Variants in GFM1 observed in about 807,000 individuals in gnomAD.
The protein encoded by GFM1 is G elongation factor mitochondrial 1.
GFM1 carries 62 observed loss-of-function variants against 96.2 expected under a neutral mutation model. The observed-to-expected ratio is 0.64, with a 90% confidence interval of 0.53 to 0.80. GFM1 has a LOEUF of 0.80. Ranked by LOEUF, GFM1 falls within the 30% of genes least tolerant of loss-of-function variation. The pLI, the probability that GFM1 is intolerant of heterozygous loss-of-function variation, is 0.00. For missense variants in GFM1, 852 were observed against 916.6 expected, an observed-to-expected ratio of 0.93 and a Z score of 0.91; for synonymous variants, 282 against 312.9, an observed-to-expected ratio of 0.90 and a Z score of 1.04.
chr3:158,649,041 G>A lies in GFM1; in HGVS notation c.573G>A (p.Arg191=). Residue 191 remains arginine, a splice_region_variant and synonymous_variant, in exon 5 of 18, where the codon AGG becomes AGA. Transcript: ENST00000486715. ...SNPARALQQM[R]SKLNHNAAFM... is the part of the protein sequence containing the mutation. Reference sequence around the variant, plus strand: ...AAACAAGTGTATTTTTATTTTTCAGGTCTAAACTAAATCATAATGCAGCGT... The same window carrying A: ...AAACAAGTGTATTTTTATTTTTCAGATCTAAACTAAATCATAATGCAGCGT... 1.5e-6 allele frequency: 2 copies of A among 1,370,904 alleles called. No individual in the cohort carries two copies. Among genetic ancestry groups the A allele is most frequent in the South Asian group, 2.3e-5 (2 of 86,042 alleles). 84.9% of individuals were successfully genotyped at this position (1,370,904 alleles called of 1,614,324 possible).
At chr3:158,650,186 G>T in intron 5 of GFM1, 1 of 795,206 alleles carries the variant, frequency 1.3e-6, no homozygotes, top group South Asian at 1.5e-5. Context: ...TGTAACAACT[G>T]AGTAATGACA....
intron 14 of GFM1, among the ~76,000 whole-genome samples, chr3:158,683,205 G>A (rs1725560109): frequency 6.6e-6 from 1 of 152,130 alleles, no homozygotes; most frequent in Non-Finnish European, 1.5e-5. Flanking sequence ...AATATTTTGT[G>A]ATTCACACAC....
In GFM1 at chr3:158,654,532, T is replaced by A; in HGVS notation, c.999-15T>A. 1 of 1,401,066 alleles carries A rather than the reference T, an allele frequency of 7.1e-7. No individual in the cohort carries two copies. The highest frequency in any genetic ancestry group is 1.0e-6 in the Non-Finnish European group (1 of 986,516). 86.8% of individuals were successfully genotyped at this position (1,401,066 alleles called of 1,614,324 possible). A position where few individuals can be genotyped will look rare whatever the true frequency, so the allele number is the denominator to read the frequency against. On this transcript the variant is annotated splice_polypyrimidine_tract_variant and intron_variant, in intron 7 of 17. Transcript: ENST00000486715. The stretch of plus-strand genomic sequence containing the variant: ...TATATTACATCTCATAGATTTATAT[T>A]TCTTTTATTTTAAGTGACTCAAAAG...
chr3:158,652,356 A>G (rs1722369701), intron 6 of GFM1, 110 bp downstream of exon 6: 9 of 914,720 alleles, frequency 9.8e-6, no homozygotes, highest in Admixed American at 4.1e-5. Context: ...TGAAATCTCA[A>G]TACATTTATT....
At chr3:158,645,574 C>T (rs1721704972) in intron 1 of GFM1, 55 bp from the exon 2 acceptor site, 3 of 1,398,048 alleles carry the variant, frequency 2.1e-6, no homozygotes, top group East Asian at 2.3e-5. Flanking sequence ...TTTTAATTGT[C>T]TGTTGTTCTC....
intron 11 of GFM1, 56 bp downstream of exon 11, chr3:158,662,740 A>T (rs1170466948): frequency 1.2e-5 from 12 of 1,006,516 alleles, no homozygotes; most frequent in African/African-American, 1.6e-5. Context: ...GCTCTTTTTC[A>T]TCTATCTCTA....
In GFM1 at chr3:158,684,650, GAAGGTGCTCTTAAAC is replaced by G; in HGVS notation, c.1897_1909+2del. ...TGAAATCTCTTTCATCCGAGCAGGA[GAAGGTGCTCTTAAAC>G]AAGGTATGCTGGGTCCGGGCACCTT... On this transcript the variant is annotated inframe_deletion, in exon 15 of 18. Transcript: ENST00000486715. 1 of 1,614,112 alleles carries G rather than the reference GAAGGTGCTCTTAAAC, an allele frequency of 6.2e-7. No homozygotes were observed.
chr3:158,690,395 T>C (rs1726215219), intron 16 of GFM1, 72 bp downstream of exon 16: 1 of 1,429,510 alleles, frequency 7.0e-7, no homozygotes. Context: ...GCTTTTGTTT[T>C]TGCAAATGGA....
In GFM1 at chr3:158,666,869, G is replaced by A. The variant is rs1163510153; in HGVS notation, c.1601+483G>A. On this transcript the variant is annotated intron_variant, in intron 13 of 17. Transcript: ENST00000486715. ...AGAATAGTACTTTTGTTAAATTGCT[G>A]CAATTATAATATACTTAAATCTGGT... The A allele has an allele frequency of 1.2e-5, 17 of 1,433,396 alleles. No homozygotes were observed. The East Asian group carries it at 3.7e-4, about 31-fold the overall frequency. The allele number at this position is 1,433,396 out of a possible 1,614,324, so 88.8% of individuals were successfully genotyped here. A position where few individuals can be genotyped will look rare whatever the true frequency, so the allele number is the denominator to read the frequency against.
chr3:158,670,893 A>G, intron 13 of GFM1: 1 of 1,400,248 alleles, frequency 7.1e-7, no homozygotes, highest in Non-Finnish European at 9.4e-7. Flanking sequence ...ATGTTCTGCC[A>G]CTGCACTTCA....
At chr3:158,686,721 G>GTTTTTTTTTTTT (rs67517331) in intron 15 of GFM1, among the ~76,000 whole-genome samples, 3 of 85,740 alleles carry the variant, frequency 3.5e-5, no homozygotes, top group African/African-American at 4.8e-5. Context: ...TTGAATTGAG[G>GTTTTTTTTTTTT]TTTTTTTTTT....
intron 17 of GFM1, 26 bp downstream of exon 17, chr3:158,691,218 A>G: frequency 6.2e-7 from 1 of 1,607,636 alleles, no homozygotes; most frequent in Non-Finnish European, 8.5e-7. Flanking sequence ...CTTACCCTTC[A>G]AAAGACCACC....
intron 15 of GFM1, among the ~76,000 whole-genome samples, chr3:158,685,806 T>C (rs957871700): frequency 1.3e-5 from 2 of 152,214 alleles, no homozygotes; most frequent in African/African-American, 4.8e-5. Flanking sequence ...TTATTAGGCA[T>C]CACTCACATT....
chr3:158,667,166 TATA>T (rs1560136415), intron 13 of GFM1: 1 of 1,286,354 alleles, frequency 7.8e-7, no homozygotes, highest in Non-Finnish European at 1.0e-6. Flanking sequence ...ATTAGATGAA[TATA>T]ATATTTCCAT....
intron 8 of GFM1, among the ~76,000 whole-genome samples, chr3:158,654,845 A>G (rs1370611683): frequency 6.6e-6 from 1 of 152,208 alleles, no homozygotes; most frequent in Non-Finnish European, 1.5e-5. Context: ...TGAAGAGTGT[A>G]AATTTTTACC....
intron 13 of GFM1, chr3:158,666,588 G>A (rs1723707049): frequency 6.8e-7 from 1 of 1,461,002 alleles, no homozygotes; most frequent in African/African-American, 1.4e-5. Flanking sequence ...CTAGATGCCA[G>A]TGAAATTGGC....
rs1180815441 is a variant in GFM1 at position 158,694,699 on chromosome 3, G to A, written c.*3232G>A. ...AGGCACACACCACCATGCCTGGCTT[G>A]ATAACTTTACCTTAAAAAAAAAAGT... On this transcript the variant is annotated 3_prime_UTR_variant, in exon 18 of 18. Coordinates refer to ENST00000486715, the MANE Select transcript of GFM1 (RefSeq NM_024996.7). Among the ~76,000 whole-genome samples, 1 of 151,850 alleles carries A rather than the reference G, an allele frequency of 6.6e-6. No individual in the cohort carries two copies. Among genetic ancestry groups the A allele is most frequent in the Non-Finnish European group, 1.5e-5 (1 of 67,988 alleles).
chr3:158,653,541 ATAGT>A, intron 7 of GFM1, 74 bp downstream of exon 7: 1 of 1,121,900 alleles, frequency 8.9e-7, no homozygotes, highest in Non-Finnish European at 1.3e-6. Context: ...GAATTTAAGG[ATAGT>A]TCTTTTAATT....
rs1474630317 is a variant in GFM1 at position 158,656,555 on chromosome 3, T to A, written c.1083+1924T>A. The A allele has an allele frequency of 2.0e-5, 3 of 152,342 alleles. No homozygotes were observed. In the East Asian group the frequency reaches 5.8e-4, roughly 29 times the overall value. The allele number at this position is 152,342 out of a possible 1,614,324, so 9.4% of individuals were successfully genotyped here. A position where few individuals can be genotyped will look rare whatever the true frequency, so the allele number is the denominator to read the frequency against. ...TTACTGTACTCTTTTTATTCCCCTT[T>A]TCATAGTGTACTTTTTAGAAGGAAG... On this transcript the variant is annotated intron_variant, in intron 8 of 17. Coordinates refer to ENST00000486715, the MANE Select transcript of GFM1 (RefSeq NM_024996.7).
Sources: gnomAD v4.1 joint callset for allele counts (sites outside exome capture counted in the v4.1 genomes callset) on GRCh38, gnomAD v4.1.1 for gene constraint, MANE v1.5 for transcripts, NCBI Gene and HGNC (gene_info 2026-07-23, HGNC 2026-07-21) for gene names.